The following KLHL28 variants were observed in gnomAD, a reference collection of about 807,000 sequenced individuals.
KLHL28 encodes kelch-like protein 28.
In KLHL28, 22 loss-of-function variants were observed where a neutral mutation model predicts 48.3. That is an observed-to-expected ratio of 0.46 (90% CI 0.33 to 0.65). The LOEUF is 0.65. Ranked by LOEUF, KLHL28 falls within the 30% of genes least tolerant of loss-of-function variation. The pLI is 0.03. For missense variants in KLHL28, 527 were observed against 704.3 expected (o/e 0.75, Z 2.85); for synonymous variants, 243 against 242.4 (o/e 1.00, Z -0.02).
chr14:44,951,876 C>T (rs2138654526), intron 1 of KLHL28, among the ~76,000 whole-genome samples: 1 of 152,190 alleles, frequency 6.6e-6, no homozygotes, highest in East Asian at 1.9e-4. Context: ...GTTTTTCAGA[C>T]AGGTTCTCAT....
chr14:44,933,115 G>A (rs936197665), intron 3 of KLHL28, among the ~76,000 whole-genome samples: 2 of 152,006 alleles, frequency 1.3e-5, no homozygotes, highest in African/African-American at 4.8e-5. Flanking sequence ...GCAAATAGCT[G>A]TTATACTGTA....
chr14:44,941,210 A>G (rs1884058803), intron 2 of KLHL28, among the ~76,000 whole-genome samples: 1 of 152,182 alleles, frequency 6.6e-6, no homozygotes, highest in African/African-American at 2.4e-5. Flanking sequence ...TTACTGCCTT[A>G]ACTCTCTCCT....
At chr14:44,934,776 T>C (rs1045197194) in intron 2 of KLHL28, among the ~76,000 whole-genome samples, 1 of 152,244 alleles carries the variant, frequency 6.6e-6, no homozygotes, top group African/African-American at 2.4e-5. Context: ...TGTAAACTTG[T>C]ATAAATTACT....
At chr14:44,953,168 T>C (rs1038349744) in intron 1 of KLHL28, among the ~76,000 whole-genome samples, 1 of 152,312 alleles carries the variant, frequency 6.6e-6, no homozygotes, top group East Asian at 1.9e-4. Context: ...GCAGGTTTAG[T>C]ATATGATAAA....
chr14:44,936,556 G>A (rs1469746748), intron 2 of KLHL28, among the ~76,000 whole-genome samples: 1 of 152,122 alleles, frequency 6.6e-6, no homozygotes, highest in African/African-American at 2.4e-5. Context: ...GTTTTTAAGA[G>A]AGCAGAAGGT....
rs897964732 is a variant in KLHL28 at position 44,925,820 on chromosome 14, C to G, written c.*3208G>C. ...AATATCCTTGGAGCTACATTAAAAG[C>G]CACTTACATTCTATTACAACATCCA... is the stretch of plus-strand genomic sequence containing the variant. On this transcript the variant is annotated 3_prime_UTR_variant, in exon 5 of 5. Coordinates refer to ENST00000396128, the MANE Select transcript of KLHL28 (RefSeq NM_017658.5). The G allele has an allele frequency of 6.6e-6, 1 of 152,112 alleles. No homozygotes were observed. Among genetic ancestry groups the G allele is most frequent in the Admixed American group, 6.6e-5 (1 of 15,266 alleles). The allele number at this position is 152,112 out of a possible 1,614,324, so 9.4% of individuals were successfully genotyped here.
Position 44,945,497 on chromosome 14 carries a change from T to C in KLHL28, c.432A>G (p.Ala144=), listed in dbSNP as rs1884291472. Reference sequence around the variant, plus strand: ...AAAGGTCACGGCAACCATATGTTTCTGCAAAACGAGAAATTCCAATACAAT... The same window carrying C: ...AAAGGTCACGGCAACCATATGTTTCCGCAAAACGAGAAATTCCAATACAAT... ...PGNCIGISRF[A]ETYGCRDLYL... Residue 144 remains alanine (A), a synonymous_variant, in exon 2 of 5, where the codon GCA becomes GCG. Transcript: ENST00000396128. The C allele has an allele frequency of 4.3e-6, 7 of 1,614,126 alleles. No individual in the cohort carries two copies. The South Asian group carries it at 4.4e-5, about 10-fold the overall frequency.
intron 1 of KLHL28, among the ~76,000 whole-genome samples, chr14:44,950,392 T>C (rs1278377911): frequency 6.6e-6 from 1 of 152,188 alleles, no homozygotes; most frequent in Non-Finnish European, 1.5e-5. Context: ...TTGACTAGAT[T>C]CATTTTTAAT....
intron 1 of KLHL28, among the ~76,000 whole-genome samples, chr14:44,958,346 A>T (rs1210021570): frequency 6.6e-6 from 1 of 151,966 alleles, no homozygotes; most frequent in East Asian, 1.9e-4. Flanking sequence ...ATAAATATAG[A>T]TCACACCCAG....
At chr14:44,949,408 T>C (rs1031225095) in intron 1 of KLHL28, among the ~76,000 whole-genome samples, 5 of 152,096 alleles carry the variant, frequency 3.3e-5, no homozygotes, top group African/African-American at 9.7e-5. Flanking sequence ...TAACTAGATA[T>C]TAGTAAATAA....
chr14:44,948,273 A>G (rs1348109674), intron 1 of KLHL28, among the ~76,000 whole-genome samples: 1 of 152,176 alleles, frequency 6.6e-6, no homozygotes, highest in Non-Finnish European at 1.5e-5. Flanking sequence ...GAGGTTTTTG[A>G]GGATCAAATC....
At position 44,924,402 on chromosome 14, in the gene KLHL28, A is replaced by G. The variant is rs1389138241; in HGVS notation, c.*4626T>C. On this transcript the variant is annotated 3_prime_UTR_variant, in exon 5 of 5. Coordinates refer to ENST00000396128, the MANE Select transcript of KLHL28 (RefSeq NM_017658.5). The stretch of plus-strand genomic sequence containing the variant: ...ATAATTACAGAACATTACCACAATG[A>G]TACACACAAATAACCTTTAAAATAA... 1.3e-5 allele frequency: 2 copies of G among 152,552 alleles called. No individual in the cohort carries two copies. Among genetic ancestry groups the G allele is most frequent in the Non-Finnish European group, 1.5e-5 (1 of 68,036 alleles). 9.4% of individuals were successfully genotyped at this position (152,552 alleles called of 1,614,324 possible).
At chr14:44,934,907 T>G (rs965422849) in intron 2 of KLHL28, among the ~76,000 whole-genome samples, 1 of 152,150 alleles carries the variant, frequency 6.6e-6, no homozygotes, top group Non-Finnish European at 1.5e-5. Flanking sequence ...TAGATAAATA[T>G]ACACAAATGT....
chr14:44,956,388 T>G (rs1375181755), intron 1 of KLHL28, among the ~76,000 whole-genome samples: 3 of 152,184 alleles, frequency 2.0e-5, no homozygotes, highest in Admixed American at 6.5e-5. Flanking sequence ...AAAAGAGAGA[T>G]AGCTAGATAA....
chr14:44,948,567 T>C (rs1192603730), intron 1 of KLHL28, among the ~76,000 whole-genome samples: 2 of 152,084 alleles, frequency 1.3e-5, no homozygotes, highest in Non-Finnish European at 1.5e-5. Context: ...AGTATAAAGT[T>C]CTACAAAATA....
intron 2 of KLHL28, among the ~76,000 whole-genome samples, chr14:44,937,410 G>A (rs1343073738): frequency 6.6e-6 from 1 of 152,060 alleles, no homozygotes; most frequent in Non-Finnish European, 1.5e-5. Flanking sequence ...GCCTCCCAAA[G>A]TGCTGGGATT....
intron 1 of KLHL28, among the ~76,000 whole-genome samples, chr14:44,957,757 A>T (rs1884854247): frequency 6.6e-6 from 1 of 152,190 alleles, no homozygotes; most frequent in African/African-American, 2.4e-5. Flanking sequence ...CCAAGGCAAG[A>T]TTTAAACCTT....
intron 1 of KLHL28, among the ~76,000 whole-genome samples, chr14:44,947,657 G>T (rs987405470): frequency 6.6e-6 from 1 of 152,136 alleles, no homozygotes; most frequent in Admixed American, 6.6e-5. Flanking sequence ...GAACACTATT[G>T]AGAGAGTATA....
At chr14:44,942,320 G>A (rs879913623) in intron 2 of KLHL28, among the ~76,000 whole-genome samples, 2 of 151,962 alleles carry the variant, frequency 1.3e-5, no homozygotes, top group East Asian at 3.9e-4. Context: ...TTTTTAAAAT[G>A]AATGCCCCAT....
Sources: allele counts gnomAD v4.1 joint callset (sites outside exome capture counted in the v4.1 genomes callset), GRCh38; gene constraint gnomAD v4.1.1; transcripts MANE v1.5; gene names NCBI Gene and HGNC (gene_info 2026-07-23, HGNC 2026-07-21).